The following MARCHF1 variants were observed in gnomAD, a reference collection of about 807,000 sequenced individuals.
The protein encoded by MARCHF1 is membrane associated ring-CH-type finger 1.
Under a neutral mutation model 54.2 loss-of-function variants are expected in MARCHF1, and 40 were observed. That is an observed-to-expected ratio of 0.74 (90% CI 0.57 to 0.96). The LOEUF (loss-of-function observed/expected upper bound fraction) is 0.96, where lower values mean the gene tolerates loss of function less well. Among genes scored for constraint, MARCHF1 ranks in the 40% least tolerant of loss-of-function variants. MARCHF1 has a pLI of 0.00. For synonymous variants in MARCHF1, 236 were observed against 236.3 expected (o/e 1.00, Z 0.01); for missense variants, 586 against 656.5 (o/e 0.89, Z 1.17).
intron 1 of MARCHF1, among the ~76,000 whole-genome samples, chr4:164,152,286 A>T (rs1729963624): frequency 6.6e-6 from 1 of 152,152 alleles, no homozygotes; most frequent in African/African-American, 2.4e-5. Flanking sequence ...CTGAATTTTT[A>T]AAATATATAT....
chr4:163,936,280 C>T (rs1751792949), intron 3 of MARCHF1, among the ~76,000 whole-genome samples: 1 of 152,106 alleles, frequency 6.6e-6, no homozygotes. Context: ...CAAAATGTAA[C>T]AGAGACTTGA....
intron 2 of MARCHF1, among the ~76,000 whole-genome samples, chr4:164,066,842 G>A (rs4264788): frequency 0.062 from 9,445 of 152,164 alleles, 712 homozygotes; most frequent in African/African-American, 0.19. Context: ...CACACAGTGG[G>A]AAAGAACATA....
At chr4:163,745,135 CAG>C (rs1327596761) in intron 4 of MARCHF1, among the ~76,000 whole-genome samples, 3 of 145,740 alleles carry the variant, frequency 2.1e-5, no homozygotes, top group Admixed American at 6.9e-5. Flanking sequence ...TTTTTTGAGA[CAG>C]AGTTTCACTC....
intron 2 of MARCHF1, among the ~76,000 whole-genome samples, chr4:164,046,053 C>T (rs1754235242): frequency 1.3e-5 from 2 of 152,112 alleles, no homozygotes; most frequent in African/African-American, 4.8e-5. Flanking sequence ...CATTTTCTTA[C>T]TTCAATTCTC....
At chr4:164,152,139 T>C (rs1011841992) in intron 1 of MARCHF1, among the ~76,000 whole-genome samples, 1 of 152,144 alleles carries the variant, frequency 6.6e-6, no homozygotes, top group Non-Finnish European at 1.5e-5. Context: ...AATAAACAAA[T>C]AAACATGTAC....
intron 2 of MARCHF1, among the ~76,000 whole-genome samples, chr4:164,035,704 G>A (rs1235792655): frequency 6.6e-6 from 1 of 151,006 alleles, no homozygotes; most frequent in Non-Finnish European, 1.5e-5. Context: ...TTTTAATAAG[G>A]GTACTGAAAT....
At chr4:164,006,366 G>A (rs1006686482) in intron 2 of MARCHF1, among the ~76,000 whole-genome samples, 1 of 151,850 alleles carries the variant, frequency 6.6e-6, no homozygotes, top group Admixed American at 6.6e-5. Context: ...GAGTGGACAA[G>A]GAGAGAAAAA....
intron 4 of MARCHF1, among the ~76,000 whole-genome samples, chr4:163,764,487 T>C (rs892806695): frequency 2.0e-5 from 3 of 152,082 alleles, no homozygotes; most frequent in Non-Finnish European, 4.4e-5. Flanking sequence ...AATAGTGACA[T>C]ACATGCACAT....
At chr4:164,118,996 T>G (rs1252924929) in intron 1 of MARCHF1, among the ~76,000 whole-genome samples, 3 of 147,330 alleles carry the variant, frequency 2.0e-5, no homozygotes, top group Non-Finnish European at 4.5e-5. Flanking sequence ...TGGGAAAAAT[T>G]TATTAAAATA....
rs1303081765 is a variant in MARCHF1 at position 164,185,706 on chromosome 4, G to A, written c.-322-74044C>T. 2.0e-5 allele frequency among the ~76,000 whole-genome samples: 3 copies of A among 151,354 alleles called. No individual in the cohort carries two copies. In the East Asian group the frequency reaches 5.8e-4, roughly 29 times the overall value. On this transcript the variant is annotated intron_variant, in intron 1 of 9. Coordinates refer to ENST00000514618, the MANE Select transcript of MARCHF1 (RefSeq NM_001394959.1). ...CATTGAGATAAGAAGATACCTATAT[G>A]ATCTATACAAAATAAATTACTTATT... is the stretch of plus-strand genomic sequence containing the variant.
At chr4:164,213,882 TAATA>T (rs1731851589) in intron 1 of MARCHF1, among the ~76,000 whole-genome samples, 1 of 152,012 alleles carries the variant, frequency 6.6e-6, no homozygotes, top group Non-Finnish European at 1.5e-5. Context: ...ATCTTCATCT[TAATA>T]AGAAATTATA....
At chr4:163,909,710 A>G (rs576268727) in intron 3 of MARCHF1, among the ~76,000 whole-genome samples, 34 of 152,344 alleles carry the variant, frequency 2.2e-4, no homozygotes, top group African/African-American at 8.2e-4. Context: ...TTGAAGAATT[A>G]AAGAACCTTA....
At chr4:163,965,045 G>A (rs778370418) in intron 3 of MARCHF1, among the ~76,000 whole-genome samples, 10 of 151,952 alleles carry the variant, frequency 6.6e-5, no homozygotes, top group Non-Finnish European at 1.5e-4. Flanking sequence ...AATTATGTCT[G>A]TAAATTGAAA....
intron 1 of MARCHF1, among the ~76,000 whole-genome samples, chr4:164,299,482 A>T (rs1449878191): frequency 6.6e-6 from 1 of 152,176 alleles, no homozygotes; most frequent in Non-Finnish European, 1.5e-5. Flanking sequence ...TGATTCATTT[A>T]AGGAAAATGA....
chr4:163,648,340 A>G (rs1742834335), intron 5 of MARCHF1, among the ~76,000 whole-genome samples: 1 of 151,974 alleles, frequency 6.6e-6, no homozygotes, highest in African/African-American at 2.4e-5. Context: ...ACAATTAGTG[A>G]GACTAATTTT....
In MARCHF1 at chr4:164,355,479, A is replaced by T. The variant is rs559630053; in HGVS notation, c.-323+28391T>A. On this transcript the variant is annotated intron_variant, in intron 1 of 9. Coordinates refer to ENST00000514618, the MANE Select transcript of MARCHF1 (RefSeq NM_001394959.1). ...AACGCCGCATACCTACAAGTATCTG[A>T]TCTTTGACAAACCTGAGAAAAACAA... Among the ~76,000 whole-genome samples the T allele has an allele frequency of 1.4e-3, 186 of 129,812 alleles. 4 individuals are homozygous for T. The highest frequency in any genetic ancestry group is 5.0e-3 in the African/African-American group (176 of 35,418). 85.2% of individuals were successfully genotyped at this position (129,812 alleles called of 152,430 possible).
intron 3 of MARCHF1, among the ~76,000 whole-genome samples, chr4:163,917,804 C>T (rs1459414166): frequency 6.6e-6 from 1 of 152,056 alleles, no homozygotes; most frequent in Non-Finnish European, 1.5e-5. Flanking sequence ...AGATATTAGA[C>T]CTTTGTCAGA....
intron 3 of MARCHF1, among the ~76,000 whole-genome samples, chr4:163,918,420 G>A (rs1751356498): frequency 6.6e-6 from 1 of 152,126 alleles, no homozygotes; most frequent in Admixed American, 6.6e-5. Flanking sequence ...AGCACACACA[G>A]TTAGGGAGAG....
At chr4:163,630,151 G>A (rs1334824678) in intron 5 of MARCHF1, among the ~76,000 whole-genome samples, 3 of 152,058 alleles carry the variant, frequency 2.0e-5, no homozygotes, top group Non-Finnish European at 4.4e-5. Context: ...TTTATAGATG[G>A]CAGTTTATTT....
Sources: allele counts gnomAD v4.1 joint callset (sites outside exome capture counted in the v4.1 genomes callset), GRCh38; gene constraint gnomAD v4.1.1; transcripts MANE v1.5; gene names NCBI Gene and HGNC (gene_info 2026-07-23, HGNC 2026-07-21).